MARCO: variants seen among roughly 807,000 people sequenced by gnomAD.
MARCO encodes macrophage receptor MARCO.
In MARCO, 72 loss-of-function variants were observed where a neutral mutation model predicts 70.0. The ratio of observed to expected loss-of-function variants is 1.03; its 90% CI spans 0.85 to 1.25. MARCO has a LOEUF of 1.25. Among genes scored for constraint, MARCO ranks in the 50% most tolerant of loss-of-function variants. The pLI, the probability that MARCO is intolerant of heterozygous loss-of-function variation, is 0.00. For missense variants in MARCO, 696 were observed against 659.3 expected, an observed-to-expected ratio of 1.06 and a Z score of -0.61; for synonymous variants, 273 against 243.1, an observed-to-expected ratio of 1.12 and a Z score of -1.14.
intron 1 of MARCO, among the ~76,000 whole-genome samples, chr2:118,955,397 A>G (rs1026959560): frequency 2.6e-5 from 4 of 152,172 alleles, no homozygotes; most frequent in African/African-American, 9.6e-5. Context: ...CAATCCAACA[A>G]AGACAAAGAA....
rs146884631 is a variant in MARCO, at chr2:118,959,557, T to C, written c.98-9603T>C. 6.2e-3 allele frequency among the ~76,000 whole-genome samples: 951 copies of C among 152,244 alleles called. 12 individuals are homozygous for C. Among genetic ancestry groups the C allele is most frequent in the Middle Eastern group, 0.01 (3 of 294 alleles). On this transcript the variant is annotated intron_variant, in intron 1 of 16. Transcript: ENST00000327097. ...TGGTAGGAATGTAAACTAGGACAGC[T>C]GCTATGGAAAACAGTGTGGAGATTC...
At chr2:118,945,394 C>A (rs899021744) in intron 1 of MARCO, among the ~76,000 whole-genome samples, 4 of 146,182 alleles carry the variant, frequency 2.7e-5, no homozygotes, top group Non-Finnish European at 4.5e-5. Context: ...TCTGTCGGAA[C>A]CTCTTGTTTC....
intron 6 of MARCO, among the ~76,000 whole-genome samples, chr2:118,974,923 A>C (rs1245558785): frequency 6.6e-6 from 1 of 152,002 alleles, no homozygotes; most frequent in Non-Finnish European, 1.5e-5. Flanking sequence ...AGGCACATGC[A>C]CCTCCACCTT....
intron 8 of MARCO, 28 bp downstream of exon 8, chr2:118,977,963 CT>C (rs1321405661): frequency 1.3e-6 from 2 of 1,514,512 alleles, no homozygotes; most frequent in Non-Finnish European, 1.8e-6. Context: ...GGTGTCGGTG[CT>C]TGCCAGGAGG....
At chr2:118,987,703 C>T (rs1001817999) in intron 12 of MARCO, among the ~76,000 whole-genome samples, 1 of 152,198 alleles carries the variant, frequency 6.6e-6, no homozygotes, top group African/African-American at 2.4e-5. Flanking sequence ...ATTAGCATCA[C>T]CTGGGAACTT....
intron 1 of MARCO, among the ~76,000 whole-genome samples, chr2:118,966,753 AT>A (rs1378541645): frequency 1.3e-5 from 2 of 152,154 alleles, no homozygotes; most frequent in South Asian, 4.1e-4. Flanking sequence ...CTGAAGCACA[AT>A]TTACCTTTCC....
intron 1 of MARCO, among the ~76,000 whole-genome samples, chr2:118,945,404 C>CTTTTTT (rs55684033): frequency 2.3e-4 from 28 of 123,036 alleles, no homozygotes; most frequent in Non-Finnish European, 2.4e-4. Flanking sequence ...CCTCTTGTTT[C>CTTTTTT]TTTTTTTTTT....
intron 1 of MARCO, among the ~76,000 whole-genome samples, chr2:118,955,040 C>T (rs1374063593): frequency 7.6e-6 from 1 of 132,164 alleles, no homozygotes; most frequent in African/African-American, 3.6e-5. Context: ...CCCCGCCCTG[C>T]CAAAAATAGA....
At position 118,970,128 on chromosome 2, in the gene MARCO, G is replaced by A; in HGVS notation, c.214G>A (p.Ala72Thr). The A allele has an allele frequency of 6.2e-7, 1 of 1,613,988 alleles. No individual in the cohort carries two copies. The highest frequency in any genetic ancestry group is 8.5e-7 in the Non-Finnish European group (1 of 1,179,998). ...GTGGGGCCCAGTTCTGAATCTGCAG[G>A]CGCGGCTCCGGGTCCTGGAGATGTA... Reference protein sequence around the residue: ...LLVVQVLNLQARLRVLEMYFL... With the variant: ...LLVVQVLNLQTRLRVLEMYFL... The change falls in exon 3 of 17, where the codon GCG becomes ACG. Residue 72 changes from alanine (A) to threonine (T), a missense_variant. Ala to Thr is a moderately conservative substitution (Grantham distance 58). Around this residue, in one of 3 missense-constraint regions of MARCO, gnomAD observed 605 missense variants for 537.6 expected, o/e 1.13. Transcript: ENST00000327097.
chr2:118,962,448 G>T (rs778199535), intron 1 of MARCO, among the ~76,000 whole-genome samples: 3 of 152,038 alleles, frequency 2.0e-5, no homozygotes, highest in Non-Finnish European at 2.9e-5. Flanking sequence ...TCTATTAACT[G>T]TATTCCTAGG....
intron 1 of MARCO, among the ~76,000 whole-genome samples, chr2:118,954,275 G>A (rs1039971050): frequency 1.3e-5 from 2 of 152,136 alleles, no homozygotes; most frequent in African/African-American, 4.8e-5. Flanking sequence ...TGGGAGCTGG[G>A]TGAGGCCTGT....
At chr2:118,948,904 G>A (rs1400106134) in intron 1 of MARCO, among the ~76,000 whole-genome samples, 6 of 152,178 alleles carry the variant, frequency 3.9e-5, no homozygotes, top group Non-Finnish European at 7.3e-5. Context: ...ATTTGGCAGA[G>A]TGTCCAGTAA....
intron 3 of MARCO, 78 bp from the exon 4 acceptor site, chr2:118,971,421 A>G: frequency 7.0e-7 from 1 of 1,426,916 alleles, no homozygotes. Context: ...CCCACTGCAG[A>G]ACCTGGGCAC....
intron 1 of MARCO, among the ~76,000 whole-genome samples, chr2:118,953,267 A>G (rs1679762875): frequency 6.6e-6 from 1 of 152,252 alleles, no homozygotes; most frequent in African/African-American, 2.4e-5. Context: ...GCTAGGGCTT[A>G]ACAAAGAGTT....
chr2:118,963,192 A>G (rs1185385440), intron 1 of MARCO, among the ~76,000 whole-genome samples: 3 of 151,092 alleles, frequency 2.0e-5, no homozygotes, highest in Admixed American at 6.6e-5. Context: ...TAGTGTGTTG[A>G]TTGGAGGCCT....
At chr2:118,972,306 C>T (rs916389488) in intron 4 of MARCO, among the ~76,000 whole-genome samples, 1 of 152,186 alleles carries the variant, frequency 6.6e-6, no homozygotes, top group South Asian at 2.1e-4. Flanking sequence ...TTGAAATTTC[C>T]CCCTGAGGAT....
intron 1 of MARCO, among the ~76,000 whole-genome samples, chr2:118,944,634 CT>C (rs1679562196): frequency 6.7e-6 from 1 of 149,872 alleles, no homozygotes; most frequent in Non-Finnish European, 1.5e-5. Context: ...CTGTTTTTCC[CT>C]GATTATAAAG....
intron 1 of MARCO, among the ~76,000 whole-genome samples, chr2:118,964,442 A>C (rs894969247): frequency 6.6e-6 from 1 of 152,064 alleles, no homozygotes; most frequent in African/African-American, 2.4e-5. Context: ...TCTTCCTCTG[A>C]GAGTGTCTTT....
Position 118,986,558 on chromosome 2 carries a change from A to G in MARCO, c.1064-4031A>G, listed in dbSNP as rs759290627. ...AGAAAGAGAGAGAGAGGAAGGAAGG[A>G]AGGGAGGGAGGGAGGGAGGGAAGGA... On this transcript the variant is annotated intron_variant, in intron 12 of 16. Coordinates refer to ENST00000327097, the MANE Select transcript of MARCO (RefSeq NM_006770.4). 4.3e-4 allele frequency among the ~76,000 whole-genome samples: 52 copies of G among 120,872 alleles called. 1 individual carries two copies. Among genetic ancestry groups the G allele is most frequent in the Admixed American group, 7.3e-4 (9 of 12,320 alleles). The allele number at this position is 120,872 out of a possible 152,430, so 79.3% of individuals were successfully genotyped here.
Sources: gnomAD v4.1 joint callset for allele counts (sites outside exome capture counted in the v4.1 genomes callset) on GRCh38, gnomAD v4.1.1 for gene constraint, gnomAD v4.1.1 regional missense constraint, MANE v1.5 for transcripts, NCBI Gene and HGNC (gene_info 2026-07-23, HGNC 2026-07-21) for gene names.